The following SIPA1L3 variants were observed in gnomAD, a reference collection of about 807,000 sequenced individuals.
SIPA1L3 encodes signal induced proliferation associated 1 like 3, also known as signal-induced proliferation-associated 1-like protein 3.
SIPA1L3 carries 59 observed loss-of-function variants against 150.1 expected under a neutral mutation model. The observed-to-expected ratio is 0.39, with a 90% CI of 0.32 to 0.49. The LOEUF is 0.49. Ranked by LOEUF, SIPA1L3 falls within the 20% of genes least tolerant of loss-of-function variation. SIPA1L3 has a pLI of 0.86. For synonymous variants in SIPA1L3, 1,070 were observed against 1,077.6 expected, an observed-to-expected ratio of 0.99 and a Z score of 0.14; for missense variants, 2,211 against 2,489.5, an observed-to-expected ratio of 0.89 and a Z score of 2.38.
intron 2 of SIPA1L3, among the ~76,000 whole-genome samples, chr19:38,074,736 TTGTG>T (rs765698076): frequency 5.9e-5 from 9 of 152,178 alleles, no homozygotes; most frequent in Non-Finnish European, 1.2e-4. Flanking sequence ...TTTACCCTCA[TTGTG>T]TGTGTGTATG....
At chr19:38,073,090 G>A (rs1205919971) in intron 2 of SIPA1L3, among the ~76,000 whole-genome samples, 1 of 152,186 alleles carries the variant, frequency 6.6e-6, no homozygotes, top group Admixed American at 6.5e-5. Flanking sequence ...ATTCTAGCCA[G>A]TGGGACATAA....
At chr19:37,960,699 G>T (rs1471548262) in intron 1 of SIPA1L3, among the ~76,000 whole-genome samples, 1 of 151,324 alleles carries the variant, frequency 6.6e-6, no homozygotes, top group Admixed American at 6.6e-5. Flanking sequence ...GAGCCACTGC[G>T]CCCAGCCTCA....
intron 1 of SIPA1L3, among the ~76,000 whole-genome samples, chr19:38,006,412 TAA>T: frequency 6.6e-6 from 1 of 152,078 alleles, no homozygotes; most frequent in Middle Eastern, 3.4e-3. Context: ...TGGGGCACGT[TAA>T]GAGAGGGAAG....
chr19:38,111,993 A>G (rs1445448587), intron 8 of SIPA1L3, among the ~76,000 whole-genome samples: 9 of 149,196 alleles, frequency 6.0e-5, no homozygotes, highest in African/African-American at 1.7e-4. Flanking sequence ...ACAGGCACAC[A>G]CCTGCACACA....
At chr19:37,926,257 G>A (rs2046502637) in intron 1 of SIPA1L3, among the ~76,000 whole-genome samples, 1 of 152,164 alleles carries the variant, frequency 6.6e-6, no homozygotes, top group South Asian at 2.1e-4. Context: ...GCCCAACAGT[G>A]CCTGTAACAC....
chr19:38,194,880 G>A (rs1201040154), intron 18 of SIPA1L3, among the ~76,000 whole-genome samples: 2 of 152,124 alleles, frequency 1.3e-5, no homozygotes, highest in African/African-American at 2.4e-5. Flanking sequence ...GTGAAACCCC[G>A]TCTCTACTAA....
At position 38,162,284 on chromosome 19, in the gene SIPA1L3, G is replaced by A; in HGVS notation, c.3693G>A (p.Arg1231=). The part of the protein sequence containing the change: ...EPLWHVPAQA[R]LSAIAGSSGN... ...TGTGGCATGTGCCTGCCCAGGCCAG[G>A]CTCTCAGCCATAGCCGGAAGCAGCG... is the stretch of plus-strand genomic sequence containing the variant. Residue 1231 remains arginine (R), a synonymous_variant, in exon 14 of 22, where the codon AGG becomes AGA. Coordinates refer to ENST00000222345, the MANE Select transcript of SIPA1L3 (RefSeq NM_015073.3). The A allele has an allele frequency of 6.2e-7, 1 of 1,614,220 alleles. No homozygotes were observed. The highest frequency in any genetic ancestry group is 8.5e-7 in the Non-Finnish European group (1 of 1,180,032).
chr19:38,137,917 G>T lies in SIPA1L3; in HGVS notation c.3144-3267G>T, dbSNP rs1413650416. Among the ~76,000 whole-genome samples, 3 of 152,138 alleles carry T rather than the reference G, an allele frequency of 2.0e-5. No individual in the cohort carries two copies. In the East Asian group the frequency reaches 5.8e-4, roughly 29 times the overall value. ...AGGCCGAGGTGGATGCATCACTTGA[G>T]GTCAGGAGTTTGAGACCAGCCTGGC... On this transcript the variant is annotated intron_variant, in intron 10 of 21. Transcript: ENST00000222345.
intron 3 of SIPA1L3, among the ~76,000 whole-genome samples, chr19:38,085,627 C>T (rs1027102621): frequency 1.3e-5 from 2 of 152,142 alleles, no homozygotes; most frequent in South Asian, 2.1e-4. Context: ...TCTTAAAGTT[C>T]GCCAAGAAAT....
At chr19:38,061,264 A>G (rs1312560304) in intron 2 of SIPA1L3, among the ~76,000 whole-genome samples, 2 of 150,630 alleles carry the variant, frequency 1.3e-5, no homozygotes, top group African/African-American at 4.9e-5. Flanking sequence ...GGGTCTCGCT[A>G]TGTTGCCTAG....
At chr19:37,976,063 C>T (rs1362348078) in intron 1 of SIPA1L3, among the ~76,000 whole-genome samples, 2 of 149,256 alleles carry the variant, frequency 1.3e-5, no homozygotes, top group Non-Finnish European at 3.0e-5. Context: ...TGAGATTGCA[C>T]CAGTGCACTC....
intron 12 of SIPA1L3, 81 bp from the exon 13 acceptor site, chr19:38,152,759 G>C (rs1971854650): frequency 6.7e-7 from 1 of 1,483,196 alleles, no homozygotes; most frequent in South Asian, 1.4e-5. Flanking sequence ...CCACTGGCGA[G>C]CAAGGCTCAG....
At chr19:38,037,343 G>A (rs144610463) in intron 2 of SIPA1L3, among the ~76,000 whole-genome samples, 2 of 152,308 alleles carry the variant, frequency 1.3e-5, no homozygotes, top group Non-Finnish European at 2.9e-5. Flanking sequence ...CAGTGGGGGC[G>A]AGGAATGGGG....
chr19:38,123,752 C>T (rs1468811206), intron 9 of SIPA1L3, among the ~76,000 whole-genome samples: 1 of 152,070 alleles, frequency 6.6e-6, no homozygotes, highest in South Asian at 2.1e-4. Context: ...CCATTGTCAT[C>T]ATGGCCCGTT....
Position 37,969,383 on chromosome 19 carries a change from T to C in SIPA1L3, c.-378-59706T>C, listed in dbSNP as rs148115334. Among the ~76,000 whole-genome samples the C allele has an allele frequency of 7.1e-3, 1,084 of 152,164 alleles. 36 individuals are homozygous for C. The highest frequency in any genetic ancestry group is 0.066 in the East Asian group (340 of 5,176). The stretch of plus-strand genomic sequence containing the variant: ...CCTGACCAACTTGGTGAAACCCTGT[T>C]TCTACTAAAAATACAGAAATTAGCT... On this transcript the variant is annotated intron_variant, in intron 1 of 21. Coordinates refer to ENST00000222345, the MANE Select transcript of SIPA1L3 (RefSeq NM_015073.3).
At chr19:38,136,183 C>CAAAAAA (rs56146390) in intron 10 of SIPA1L3, among the ~76,000 whole-genome samples, 2,144 of 44,050 alleles carry the variant, frequency 0.049, 308 homozygotes, top group Non-Finnish European at 0.061. Context: ...GAGACTGTCT[C>CAAAAAA]AAAAAAAAAA....
intron 1 of SIPA1L3, among the ~76,000 whole-genome samples, chr19:37,920,915 C>T (rs1242876334): frequency 6.6e-6 from 1 of 152,204 alleles, no homozygotes; most frequent in Non-Finnish European, 1.5e-5. Flanking sequence ...CCCTCTAGCA[C>T]CTGCCTGTGG....
chr19:38,145,617 G>C (rs1971687405), intron 12 of SIPA1L3, among the ~76,000 whole-genome samples: 1 of 151,276 alleles, frequency 6.6e-6, no homozygotes, highest in Non-Finnish European at 1.5e-5. Context: ...TTAACATCTT[G>C]TATGGTTATA....
rs1600202870 is a variant in SIPA1L3, at chr19:38,196,681, TGGAGGTCAAGAGTGGAGCAA to T, written c.4841-1697_4841-1678del. Among the ~76,000 whole-genome samples the T allele has an allele frequency of 4.2e-5, 6 of 143,180 alleles. No homozygotes were observed. The South Asian group carries it at 1.1e-3, about 27-fold the overall frequency. 93.9% of individuals were successfully genotyped at this position (143,180 alleles called of 152,430 possible). ...GAGCAAGGAGGCCAAGGGTGGAGCG[TGGAGGTCAAGAGTGGAGCAA>T]GGAGGTCAAGGGAGGAACATAGAGT... is the stretch of plus-strand genomic sequence containing the variant. On this transcript the variant is annotated intron_variant, in intron 18 of 21. Coordinates refer to ENST00000222345, the MANE Select transcript of SIPA1L3 (RefSeq NM_015073.3).
Sources: gnomAD v4.1 joint callset for allele counts (sites outside exome capture counted in the v4.1 genomes callset) on GRCh38, gnomAD v4.1.1 for gene constraint, MANE v1.5 for transcripts, NCBI Gene and HGNC (gene_info 2026-07-23, HGNC 2026-07-21) for gene names.